GK5: variants seen among roughly 807,000 people sequenced by gnomAD.
GK5 encodes the protein glycerol kinase 5, also known as ATP:glycerol 3-phosphotransferase 5.
GK5 carries 39 observed loss-of-function variants against 77.3 expected under a neutral mutation model. The observed-to-expected ratio is 0.50, with a 90% CI of 0.39 to 0.66. The LOEUF is 0.66. Ranked by LOEUF, GK5 falls within the 30% of genes least tolerant of loss-of-function variation. GK5 has a pLI of 0.00. For synonymous variants in GK5, 211 were observed against 208.0 expected (o/e 1.01, Z -0.13); for missense variants, 487 against 633.8 (o/e 0.77, Z 2.49).
chr3:142,205,500 A>G (rs1206977282), intron 3 of GK5, among the ~76,000 whole-genome samples: 2 of 152,144 alleles, frequency 1.3e-5, no homozygotes, highest in African/African-American at 4.8e-5. Context: ...TCACCTTTAC[A>G]TGGTCTACCA....
chr3:142,169,511 T>A (rs1448618000), intron 15 of GK5, among the ~76,000 whole-genome samples: 2 of 152,284 alleles, frequency 1.3e-5, no homozygotes, highest in African/African-American at 4.8e-5. Context: ...TAGTTTTCCA[T>A]CCACTGACTC....
At chr3:142,173,459 G>A (rs558977519) in intron 12 of GK5, among the ~76,000 whole-genome samples, 200 of 152,192 alleles carry the variant, frequency 1.3e-3, no homozygotes, top group African/African-American at 4.7e-3. Flanking sequence ...CGACAAAGGT[G>A]GACCACTTGA....
At chr3:142,197,635 A>G (rs535666201) in intron 5 of GK5, among the ~76,000 whole-genome samples, 1 of 152,348 alleles carries the variant, frequency 6.6e-6, no homozygotes, top group African/African-American at 2.4e-5. Context: ...GTCAATTATG[A>G]CAGTAAATGA....
chr3:142,185,636 C>G (rs2063758778), intron 9 of GK5: 3 of 1,179,904 alleles, frequency 2.5e-6, no homozygotes, highest in Admixed American at 3.9e-5. Flanking sequence ...AAATACCACT[C>G]AGAATTAAAA....
intron 1 of GK5, among the ~76,000 whole-genome samples, chr3:142,222,938 C>T (rs529655860): frequency 1.3e-5 from 2 of 152,340 alleles, no homozygotes; most frequent in Admixed American, 1.3e-4. Context: ...CGTAACTACA[C>T]TTTAAGCAGT....
intron 3 of GK5, among the ~76,000 whole-genome samples, chr3:142,208,351 A>G (rs1388646856): frequency 6.6e-6 from 1 of 152,194 alleles, no homozygotes; most frequent in African/African-American, 2.4e-5. Context: ...CATTTAAGGA[A>G]TCACTGCCAA....
intron 12 of GK5, 45 bp from the exon 13 acceptor site, chr3:142,172,501 A>G (rs1009281696): frequency 1.9e-6 from 2 of 1,050,690 alleles, no homozygotes; most frequent in Non-Finnish European, 2.9e-6. Flanking sequence ...ATTCTAAATT[A>G]CATCTACGGA....
At chr3:142,206,589 C>T (rs753905861) in intron 3 of GK5, among the ~76,000 whole-genome samples, 1 of 152,174 alleles carries the variant, frequency 6.6e-6, no homozygotes. Context: ...TTATGAACTG[C>T]ATTGTTGCTT....
chr3:142,223,346 A>G (rs2064380457), intron 1 of GK5, among the ~76,000 whole-genome samples: 1 of 152,268 alleles, frequency 6.6e-6, no homozygotes, highest in Admixed American at 6.5e-5. Flanking sequence ...GGGAGACTTT[A>G]AAAAGTATCG....
chr3:142,170,509 C>T (rs775085869), intron 14 of GK5, 51 bp from the exon 15 acceptor site: 3 of 1,467,356 alleles, frequency 2.0e-6, no homozygotes, highest in Admixed American at 2.1e-5. Context: ...AAGTATCATT[C>T]TTTTTCAGTG....
At position 142,177,535 on chromosome 3, in the gene GK5, T is replaced by C. The variant is rs755953095; in HGVS notation, c.1090A>G (p.Ser364Gly). Residue 364 changes from serine (S) to glycine (G), a missense_variant, in exon 12 of 16, where the codon AGT becomes GGT. Transcript: ENST00000392993. ...CAAACTCCTTCAGAATCCTCCAAACTTTTGGCCATTTTTTCAGTCTCAGCA... is the reference window on the plus strand; with the variant it reads ...CAAACTCCTTCAGAATCCTCCAAACCTTTGGCCATTTTTTCAGTCTCAGCA... ...DAAETEKMAK[S>G]LEDSEGVCFV... 1 of 1,613,320 alleles carries C rather than the reference T, an allele frequency of 6.2e-7. No homozygotes were observed. Among genetic ancestry groups the C allele is most frequent in the Non-Finnish European group, 8.5e-7 (1 of 1,179,402 alleles).
Position 142,165,452 on chromosome 3 carries a change from T to C in GK5, c.*170A>G. On this transcript the variant is annotated 3_prime_UTR_variant, in exon 16 of 16. Coordinates refer to ENST00000392993, the MANE Select transcript of GK5 (RefSeq NM_001039547.3). Reference sequence around the variant, plus strand: ...CTTACCATGGTTTAGGGGAAAAAAATAAGAGTTTTTTGTTCCGTTTTGTTT... The same window carrying C: ...CTTACCATGGTTTAGGGGAAAAAAACAAGAGTTTTTTGTTCCGTTTTGTTT... 2.1e-6 allele frequency: 1 copy of C among 474,426 alleles called. No individual in the cohort carries two copies. Among genetic ancestry groups the C allele is most frequent in the East Asian group, 3.4e-5 (1 of 29,404 alleles). 29.4% of individuals were successfully genotyped at this position (474,426 alleles called of 1,614,324 possible).
In GK5 at chr3:142,163,462, A is replaced by G. The variant is rs1420206408; in HGVS notation, c.*2160T>C. On this transcript the variant is annotated 3_prime_UTR_variant, in exon 16 of 16. Transcript: ENST00000392993. ...GCTAATTTTTGTATTTTTAGTGGAG[A>G]CAGGGTTTCACCGTGTTTGACCAGG... is the stretch of plus-strand genomic sequence containing the variant. 6.6e-6 allele frequency: 1 copy of G among 151,924 alleles called. No homozygotes were observed. The highest frequency in any genetic ancestry group is 2.4e-5 in the African/African-American group (1 of 41,362). 9.4% of individuals were successfully genotyped at this position (151,924 alleles called of 1,614,324 possible). A position where few individuals can be genotyped will look rare whatever the true frequency, so the allele number is the denominator to read the frequency against.
At chr3:142,207,241 C>T (rs978892044) in intron 3 of GK5, among the ~76,000 whole-genome samples, 5 of 152,160 alleles carry the variant, frequency 3.3e-5, no homozygotes, top group African/African-American at 1.2e-4. Flanking sequence ...GGGTGCCTAT[C>T]CATATGGATA....
At chr3:142,223,086 C>A (rs2064375613) in intron 1 of GK5, among the ~76,000 whole-genome samples, 1 of 152,010 alleles carries the variant, frequency 6.6e-6, no homozygotes, top group Admixed American at 6.6e-5. Flanking sequence ...ACACATTTTC[C>A]ACAGTTTAGA....
chr3:142,176,088 G>C lies in GK5; in HGVS notation c.1143+1394C>G, dbSNP rs554016994. ...TCTGGACTATGATAGGTGCTATTTA[G>C]AGGTTCCCTCACATCATCCTGAAGA... On this transcript the variant is annotated intron_variant, in intron 12 of 15. Coordinates refer to ENST00000392993, the MANE Select transcript of GK5 (RefSeq NM_001039547.3). Among the ~76,000 whole-genome samples the C allele has an allele frequency of 1.1e-3, 169 of 152,050 alleles. 2 individuals are homozygous for C. Among genetic ancestry groups the C allele is most frequent in the African/African-American group, 2.8e-3 (116 of 41,496 alleles).
intron 10 of GK5, among the ~76,000 whole-genome samples, chr3:142,182,172 C>T (rs976814077): frequency 1.3e-5 from 2 of 152,102 alleles, no homozygotes; most frequent in Non-Finnish European, 2.9e-5. Flanking sequence ...TAGTATAGTT[C>T]TATAATCTAG....
chr3:142,195,555 T>C (rs1353494619), intron 5 of GK5, among the ~76,000 whole-genome samples: 1 of 152,212 alleles, frequency 6.6e-6, no homozygotes, highest in Non-Finnish European at 1.5e-5. Context: ...TCTTGCTATA[T>C]TGCCCAGGCT....
intron 5 of GK5, among the ~76,000 whole-genome samples, chr3:142,188,838 T>C (rs1187857577): frequency 1.3e-5 from 2 of 152,238 alleles, no homozygotes; most frequent in Non-Finnish European, 2.9e-5. Flanking sequence ...AACAGGCCGA[T>C]TCTTGGCATA....
Sources: gnomAD v4.1 joint callset for allele counts (sites outside exome capture counted in the v4.1 genomes callset) on GRCh38, gnomAD v4.1.1 for gene constraint, MANE v1.5 for transcripts, NCBI Gene and HGNC (gene_info 2026-07-23, HGNC 2026-07-21) for gene names.